HTR2C: variants seen among roughly 807,000 people sequenced by gnomAD.
HTR2C encodes 5-hydroxytryptamine receptor 2C, also known as 5-hydroxytryptamine (serotonin) receptor 2C, G protein-coupled.
Under a neutral mutation model 21.0 loss-of-function variants are expected in HTR2C, and 5 were observed. The observed-to-expected ratio is 0.24, with a 90% CI of 0.12 to 0.50. HTR2C has a LOEUF of 0.50. Ranked by LOEUF, HTR2C falls within the 20% of genes least tolerant of loss-of-function variation. HTR2C has a pLI of 0.98. For missense variants in HTR2C, 271 were observed against 371.2 expected (o/e 0.73, Z 2.22); for synonymous variants, 150 against 145.3 (o/e 1.03, Z -0.23).
At chrX:114,793,016 CAT>C (rs782671738) in intron 4 of HTR2C, among the ~76,000 whole-genome samples, 19 of 111,738 alleles carry the variant, frequency 1.7e-4, no homozygotes, top group Non-Finnish European at 7.5e-5. Context: ...AGATATTAGA[CAT>C]ATGTCAGATG....
rs1242464118 is a variant in HTR2C at position 114,816,440 on chromosome X, GA to G, written c.350-31553del. ...AAACGAGATAATGTAAAGTTTCCCAGAAAAAAAAAATAGTTAACTCATGCTA... is the reference window on the plus strand; with the variant it reads ...AAACGAGATAATGTAAAGTTTCCCAGAAAAAAAAATAGTTAACTCATGCTA... On this transcript the variant is annotated intron_variant, in intron 4 of 5. Transcript: ENST00000276198. Among the ~76,000 whole-genome samples, 20 of 104,703 alleles carry G rather than the reference GA, an allele frequency of 1.9e-4. 1 individual carries two copies. Among genetic ancestry groups the G allele is most frequent in the Admixed American group, 5.2e-4 (5 of 9,540 alleles). 90.9% of individuals were successfully genotyped at this position (104,703 alleles called of 115,157 possible). A position where few individuals can be genotyped will look rare whatever the true frequency, so the allele number is the denominator to read the frequency against.
At chrX:114,687,773 A>T (rs1324046814) in intron 2 of HTR2C, among the ~76,000 whole-genome samples, 2 of 111,777 alleles carry the variant, frequency 1.8e-5, no homozygotes, top group East Asian at 5.6e-4. Context: ...TTAATACACA[A>T]TTTATTTTGT....
intron 2 of HTR2C, among the ~76,000 whole-genome samples, chrX:114,715,070 AT>A (rs1385676727): frequency 8.9e-6 from 1 of 112,189 alleles, no homozygotes; most frequent in East Asian, 2.8e-4. Context: ...AGTTGTATAC[AT>A]TTTATATCAA....
chrX:114,789,849 G>T (rs2497504), intron 4 of HTR2C, among the ~76,000 whole-genome samples: 5 of 110,235 alleles, frequency 4.5e-5, no homozygotes, highest in South Asian at 3.9e-4. Context: ...TCGTGTATGA[G>T]GACAAAGCAC....
chrX:114,621,307 C>A (rs1001860176), intron 2 of HTR2C, among the ~76,000 whole-genome samples: 1 of 111,499 alleles, frequency 9.0e-6, no homozygotes, highest in South Asian at 3.7e-4. Context: ...ATATGGGAAC[C>A]ATGTAGGCTC....
intron 4 of HTR2C, among the ~76,000 whole-genome samples, chrX:114,741,543 AAAAAAAT>A (rs1360104363): frequency 5.6e-5 from 5 of 89,081 alleles, no homozygotes; most frequent in Non-Finnish European, 8.9e-5. Context: ...AAAAAAAAAA[AAAAAAAT>A]ATGAGATTGG....
chrX:114,729,638 A>T (rs1556422811), intron 3 of HTR2C, among the ~76,000 whole-genome samples: 1 of 112,000 alleles, frequency 8.9e-6, no homozygotes, highest in Non-Finnish European at 1.9e-5. Flanking sequence ...AAAATAATAC[A>T]TTTGGAAGAA....
chrX:114,742,738 T>TA (rs1333091950), intron 4 of HTR2C, among the ~76,000 whole-genome samples: 1 of 95,130 alleles, frequency 1.1e-5, no homozygotes, highest in Non-Finnish European at 2.1e-5. Flanking sequence ...TTTTTTTTTT[T>TA]TTTATTATAC....
At chrX:114,609,498 T>C (rs1928628840) in intron 1 of HTR2C, among the ~76,000 whole-genome samples, 1 of 111,650 alleles carries the variant, frequency 9.0e-6, no homozygotes, top group African/African-American at 3.3e-5. Flanking sequence ...TTTTCTGTTG[T>C]AATTACTCTT....
chrX:114,747,316 T>C (rs1269622327), intron 4 of HTR2C, among the ~76,000 whole-genome samples: 1 of 112,453 alleles, frequency 8.9e-6, no homozygotes, highest in African/African-American at 3.2e-5. Flanking sequence ...TCACCTGAAG[T>C]TCAAGAATAA....
chrX:114,801,619 A>G, intron 4 of HTR2C, among the ~76,000 whole-genome samples: 1 of 111,668 alleles, frequency 9.0e-6, no homozygotes, highest in Non-Finnish European at 1.9e-5. Flanking sequence ...GAATACACAT[A>G]TTATAAAGGT....
In HTR2C at chrX:114,637,491, T is replaced by C. The variant is rs147569395; in HGVS notation, c.-80+23610T>C. 2.5e-3 allele frequency among the ~76,000 whole-genome samples: 277 copies of C among 112,104 alleles called. 1 individual carries two copies. Among genetic ancestry groups the C allele is most frequent in the Non-Finnish European group, 3.6e-3 (190 of 53,235 alleles). Reference sequence around the variant, plus strand: ...GCAGACATCTCTGACTAAGTGTATGTGTAAAATAAAGACCAAATTTGAAAG... The same window carrying C: ...GCAGACATCTCTGACTAAGTGTATGCGTAAAATAAAGACCAAATTTGAAAG... On this transcript the variant is annotated intron_variant, in intron 2 of 5. Coordinates refer to ENST00000276198, the MANE Select transcript of HTR2C (RefSeq NM_000868.4).
intron 2 of HTR2C, among the ~76,000 whole-genome samples, chrX:114,665,661 T>C (rs1017318316): frequency 9.0e-6 from 1 of 111,194 alleles, no homozygotes; most frequent in Non-Finnish European, 1.9e-5. Flanking sequence ...GAAAAGAAAA[T>C]ATATTTGCTA....
chrX:114,720,997 A>G (rs1358305285), intron 2 of HTR2C, among the ~76,000 whole-genome samples: 1 of 95,134 alleles, frequency 1.1e-5, no homozygotes, highest in Non-Finnish European at 2.1e-5. Context: ...GTGTCTTTAT[A>G]GCAGCATGAT....
intron 1 of HTR2C, among the ~76,000 whole-genome samples, chrX:114,609,579 G>A (rs1556398126): frequency 9.0e-6 from 1 of 111,438 alleles, no homozygotes; most frequent in African/African-American, 3.3e-5. Context: ...TATTTGACAT[G>A]ACACAGTGAG....
intron 5 of HTR2C, among the ~76,000 whole-genome samples, chrX:114,858,867 C>CT (rs1418545760): frequency 2.7e-5 from 3 of 109,520 alleles, no homozygotes; most frequent in African/African-American, 9.9e-5. Context: ...TTTTCTGTGT[C>CT]TTTTTTATCA....
At chrX:114,869,050 T>A (rs1387348150) in intron 5 of HTR2C, among the ~76,000 whole-genome samples, 1 of 109,309 alleles carries the variant, frequency 9.1e-6, no homozygotes, top group African/African-American at 3.4e-5. Flanking sequence ...GTCCAAGTGA[T>A]CTCATCGTTC....
intron 4 of HTR2C, among the ~76,000 whole-genome samples, chrX:114,796,728 T>C (rs1305728117): frequency 9.0e-6 from 1 of 111,373 alleles, no homozygotes; most frequent in Non-Finnish European, 1.9e-5. Flanking sequence ...ACAACAGATC[T>C]CTCTTCTCTT....
At chrX:114,847,781 T>A (rs1258537220) in intron 4 of HTR2C, among the ~76,000 whole-genome samples, 2 of 111,035 alleles carry the variant, frequency 1.8e-5, no homozygotes, top group Non-Finnish European at 3.8e-5. Context: ...TTTAAAGAGA[T>A]TAATTTTATG....
Sources: gnomAD v4.1 joint callset for allele counts (sites outside exome capture counted in the v4.1 genomes callset) on GRCh38, gnomAD v4.1.1 for gene constraint, MANE v1.5 for transcripts, NCBI Gene and HGNC (gene_info 2026-07-23, HGNC 2026-07-21) for gene names.